Variants in FBRS observed in about 807,000 individuals in gnomAD.
FBRS encodes probable fibrosin-1.
Under a neutral mutation model 86.1 loss-of-function variants are expected in FBRS, and 15 were observed. The observed-to-expected ratio is 0.17, with a 90% confidence interval of 0.12 to 0.27. The LOEUF is 0.27. Ranked by LOEUF, FBRS falls within the 10% of genes least tolerant of loss-of-function variation. The pLI is 1.00. For synonymous variants in FBRS, 666 were observed against 575.8 expected (o/e 1.16, Z -2.24); for missense variants, 1,367 against 1,301.6 (o/e 1.05, Z -0.77).
chr16:30,664,898 T>G lies in FBRS; in HGVS notation c.1541T>G (p.Leu514Arg). 6.2e-7 allele frequency: 1 copy of G among 1,610,608 alleles called. No homozygotes were observed. The highest frequency in any genetic ancestry group is 8.5e-7 in the Non-Finnish European group (1 of 1,178,410). ...QHFTPYPPGLLPPHGPHMFEK... is the reference protein window; with the variant it reads ...QHFTPYPPGLRPPHGPHMFEK... ...TTCACCCCTTATCCCCCGGGCCTGC[T>G]GCCACCCCACGGCCCCCACATGGTG... is the stretch of plus-strand genomic sequence containing the variant. Residue 514 changes from leucine (L) to arginine (R), a missense_variant, in exon 8 of 18, where the codon CTG (leucine) becomes CGG (arginine). Transcript: ENST00000356166.
Position 30,669,370 on chromosome 16 carries a change from C to A in FBRS, c.2668C>A (p.Arg890Ser), listed in dbSNP as rs773484659. The change falls in exon 18 of 18, where the codon CGC becomes AGC. Residue 890 changes from arginine (R) to serine (S), a missense_variant. Arg to Ser is a moderately radical substitution (Grantham distance 110). Around this residue, in one of 3 missense-constraint regions of FBRS, gnomAD observed 659 missense variants for 678.8 expected, o/e 0.97. Transcript: ENST00000356166. The surrounding 1 kb of genome is among the most constrained non-coding windows in gnomAD (Gnocchi z 5.9). ...GCCAACCTGGTTGGCAGCACCCCCA[C>A]GCCTGGCAAGGCCACCCCGCTTCTA... ...LEPTWLAAPP[R>S]LARPPRFYEA... The A allele has an allele frequency of 1.2e-6, 2 of 1,612,730 alleles. No individual in the cohort carries two copies. Among genetic ancestry groups the A allele is most frequent in the Non-Finnish European group, 1.7e-6 (2 of 1,179,754 alleles).
In FBRS at chr16:30,670,111, G is replaced by C. The variant is rs1454950737; in HGVS notation, c.*466G>C. On this transcript the variant is annotated 3_prime_UTR_variant, in exon 18 of 18. Transcript: ENST00000356166. The stretch of plus-strand genomic sequence containing the variant: ...ACATATTTATCACCCCTTTCACATA[G>C]CCCCAAGACCTTTTGTACATTTTTA... 4.3e-6 allele frequency: 2 copies of C among 464,332 alleles called. No homozygotes were observed. Among genetic ancestry groups the C allele is most frequent in the South Asian group, 3.1e-5 (2 of 64,628 alleles). The allele number at this position is 464,332 out of a possible 1,614,324, so 28.8% of individuals were successfully genotyped here. A position where few individuals can be genotyped will look rare whatever the true frequency, so the allele number is the denominator to read the frequency against.
At chr16:30,666,390 G>C in intron 11 of FBRS, 122 bp from the exon 12 acceptor site, 3 of 1,216,062 alleles carry the variant, frequency 2.5e-6, no homozygotes, top group Non-Finnish European at 3.6e-6. Context: ...TGAGCAGGAA[G>C]GGTTTGAGGG....
chr16:30,666,430 G>A, intron 11 of FBRS, 82 bp from the exon 12 acceptor site: 5 of 1,560,264 alleles, frequency 3.2e-6, no homozygotes, highest in Middle Eastern at 1.7e-4. Flanking sequence ...TGTTGGGGGT[G>A]AGTGGATGCT....
chr16:30,664,990 C>A, intron 8 of FBRS, 45 bp from the exon 9 acceptor site: 1 of 1,609,212 alleles, frequency 6.2e-7, no homozygotes, highest in South Asian at 1.1e-5. Flanking sequence ...TGGGGGAAGG[C>A]CCGGGTCCCT....
At position 30,669,219 on chromosome 16, in the gene FBRS, TGCCGCCGCCGCTGCCGCC is replaced by T; in HGVS notation, c.2523_2540del (p.Ala844_Ala849del). On this transcript the variant is annotated inframe_deletion, in exon 18 of 18. Transcript: ENST00000356166. The surrounding 1 kb of genome is among the most constrained non-coding windows in gnomAD (Gnocchi z 5.9). ...CTGCCGCCGCCGCTGCCGCTGCTGC[TGCCGCCGCCGCTGCCGCC>T]GCCGCAGCAGCCACTGGGCCCCAGG... is the stretch of plus-strand genomic sequence containing the variant. 4 of 1,544,376 alleles carry T rather than the reference TGCCGCCGCCGCTGCCGCC, an allele frequency of 2.6e-6. No individual in the cohort carries two copies. Among genetic ancestry groups the T allele is most frequent in the Non-Finnish European group, 3.5e-6 (4 of 1,143,744 alleles).
chr16:30,660,198 C>G (rs2052439788), intron 1 of FBRS, 65 bp from the exon 2 acceptor site: 1 of 1,412,976 alleles, frequency 7.1e-7, no homozygotes, highest in Admixed American at 3.1e-5. Context: ...GCAACCTGGT[C>G]ACCCCTAGAG....
chr16:30,670,217 C>T lies in FBRS; in HGVS notation c.*572C>T, dbSNP rs1476827220. On this transcript the variant is annotated 3_prime_UTR_variant, in exon 18 of 18. Coordinates refer to ENST00000356166, the MANE Select transcript of FBRS (RefSeq NM_001105079.3). ...GCTGTGTTCCTAGCCTCTGGCCTCT[C>T]TGTGGGGAAAGGGGACTGCAGGGGG... is the stretch of plus-strand genomic sequence containing the variant. The T allele has an allele frequency of 2.2e-6, 1 of 457,920 alleles. No homozygotes were observed. Among genetic ancestry groups the T allele is most frequent in the Non-Finnish European group, 4.4e-6 (1 of 226,934 alleles). The allele number at this position is 457,920 out of a possible 1,614,324, so 28.4% of individuals were successfully genotyped here. A position where few individuals can be genotyped will look rare whatever the true frequency, so the allele number is the denominator to read the frequency against.
chr16:30,669,052 C>T lies in FBRS; in HGVS notation c.2367-17C>T, dbSNP rs1157450191. ...GCCCCTGGAGAACTTCATTCTCTCC[C>T]CACGCCTGCCCTCCAGGGACCTCCC... On this transcript the variant is annotated splice_polypyrimidine_tract_variant and intron_variant, in intron 17 of 17. Transcript: ENST00000356166. The surrounding 1 kb of genome is among the most constrained non-coding windows in gnomAD (Gnocchi z 5.9). The T allele has an allele frequency of 1.3e-6, 2 of 1,594,392 alleles. No homozygotes were observed. Among genetic ancestry groups the T allele is most frequent in the Non-Finnish European group, 1.7e-6 (2 of 1,171,894 alleles).
In FBRS at chr16:30,662,582, A is replaced by G; in HGVS notation, c.778A>G (p.Asn260Asp). The G allele has an allele frequency of 6.5e-7, 1 of 1,542,328 alleles. No individual in the cohort carries two copies. The highest frequency in any genetic ancestry group is 8.8e-7 in the Non-Finnish European group (1 of 1,141,222). ...SKASGPHGAF[N>D]GNCEAKLSVV... is the part of the protein sequence containing the mutation. ...AGCCTCGGGCCCCCACGGCGCCTTC[A>G]ATGGGAACTGTGAAGCAAAACTCTC... The change falls in exon 6 of 18, where the codon AAT (asparagine) becomes GAT (aspartate). Residue 260 changes from asparagine to aspartate, a missense_variant. Transcript: ENST00000356166.
At chr16:30,668,528 A>G in intron 15 of FBRS, 32 bp from the exon 16 acceptor site, 1 of 1,587,594 alleles carries the variant, frequency 6.3e-7, no homozygotes, top group East Asian at 2.3e-5. Flanking sequence ...CCGGCTGCCC[A>G]GTGCTCTGAC....
intron 2 of FBRS, chr16:30,660,701 G>A (rs575685903): frequency 2.9e-5 from 16 of 547,884 alleles, no homozygotes; most frequent in Non-Finnish European, 4.0e-5. Context: ...TAGTTGGGTC[G>A]TAAATTAATT....
rs772056614 is a variant in FBRS at position 30,659,669 on chromosome 16, C to G, written c.151C>G (p.Pro51Ala). Reference sequence around the variant, plus strand: ...CGCGCCCCGGGCCCTGTTGGCCGCCCCGCGCGGCTCCTCGTCCTCGTCGTC... The same window carrying G: ...CGCGCCCCGGGCCCTGTTGGCCGCCGCGCGCGGCTCCTCGTCCTCGTCGTC... ...GDAPRALLAA[P>A]RGSSSSSSPP... The change falls in exon 1 of 18, where the codon CCG becomes GCG. Residue 51 changes from proline to alanine, a missense_variant. Pro to Ala is a conservative substitution (Grantham distance 27). This residue lies in a region of FBRS where 702 missense variants were observed against 598.7 expected (regional missense o/e 1.17). Transcript: ENST00000356166. 1.5e-6 allele frequency: 1 copy of G among 662,564 alleles called. No homozygotes were observed. The highest frequency in any genetic ancestry group is 1.9e-5 in the African/African-American group (1 of 51,738). The allele number at this position is 662,564 out of a possible 1,614,324, so 41.0% of individuals were successfully genotyped here.
In FBRS at chr16:30,665,710, A is replaced by AG. The variant is rs917618801; in HGVS notation, c.1773+9dup. On this transcript the variant is annotated splice_donor_region_variant and intron_variant, in intron 11 of 17. Coordinates refer to ENST00000356166, the MANE Select transcript of FBRS (RefSeq NM_001105079.3). The surrounding 1 kb of genome is among the most constrained non-coding windows in gnomAD (Gnocchi z 4.1). ...GCTCTCCCAGAAGGGGACACAGGTGAGGGGGCCAGGGCAGGTCCTGGGGGA... is the reference window on the plus strand; with the variant it reads ...GCTCTCCCAGAAGGGGACACAGGTGAGGGGGGCCAGGGCAGGTCCTGGGGGA... The AG allele has an allele frequency of 7.6e-6, 12 of 1,574,592 alleles. No individual in the cohort carries two copies. Among genetic ancestry groups the AG allele is most frequent in the Non-Finnish European group, 8.6e-6 (10 of 1,159,956 alleles).
intron 4 of FBRS, chr16:30,662,204 C>CT (rs2052470481): frequency 1.4e-6 from 1 of 700,402 alleles, no homozygotes; most frequent in East Asian, 2.9e-5. Flanking sequence ...ATTTAGTCCT[C>CT]TTGGCCTATC....
At chr16:30,660,145 C>T (rs2052439090) in intron 1 of FBRS, 118 bp from the exon 2 acceptor site, 1 of 1,419,688 alleles carries the variant, frequency 7.0e-7, no homozygotes, top group Non-Finnish European at 9.2e-7. Flanking sequence ...GGAGGTAGAG[C>T]TCGTCTCTGG....
At chr16:30,664,591 G>A in intron 7 of FBRS, 75 bp downstream of exon 7, 1 of 1,433,168 alleles carries the variant, frequency 7.0e-7, no homozygotes, top group Non-Finnish European at 9.1e-7. Context: ...TGGGGCACCT[G>A]AGCCTCAGCA....
At chr16:30,667,172 C>G in intron 13 of FBRS, 148 bp from the exon 14 acceptor site, 1 of 914,562 alleles carries the variant, frequency 1.1e-6, no homozygotes, top group Non-Finnish European at 1.7e-6. Flanking sequence ...GGGGGCTGCT[C>G]AGAGAAGGCT....
chr16:30,667,279 T>G (rs1369403991), intron 13 of FBRS, 41 bp from the exon 14 acceptor site: 6 of 1,431,850 alleles, frequency 4.2e-6, no homozygotes, highest in African/African-American at 1.4e-5. Context: ...GGGACCAGAC[T>G]GGCTCCTCAT....
Sources: gnomAD v4.1 joint callset for allele counts on GRCh38, gnomAD v4.1.1 for gene constraint, gnomAD v4.1.1 regional missense constraint, Gnocchi (gnomAD v3.1) non-coding constraint, MANE v1.5 for transcripts, NCBI Gene and HGNC (gene_info 2026-07-23, HGNC 2026-07-21) for gene names.